The following MCC variants were observed in gnomAD, a reference collection of about 807,000 sequenced individuals.
MCC encodes the protein colorectal mutant cancer protein.
Under a neutral mutation model 116.2 loss-of-function variants are expected in MCC, and 90 were observed. That is an observed-to-expected ratio of 0.77 (90% CI 0.65 to 0.92). MCC has a LOEUF of 0.92. MCC is among the 40% of genes least tolerant of loss of function. The pLI, the probability that MCC is intolerant of heterozygous loss-of-function variation, is 0.00. For missense variants in MCC, 1,516 were observed against 1,312.2 expected (o/e 1.16, Z -2.40); for synonymous variants, 578 against 510.5 (o/e 1.13, Z -1.78).
intron 1 of MCC, among the ~76,000 whole-genome samples, chr5:113,421,954 A>G (rs1360294813): frequency 6.6e-6 from 1 of 152,206 alleles, no homozygotes; most frequent in Non-Finnish European, 1.5e-5. Context: ...AGACTATGAT[A>G]GTAAGATTGC....
intron 3 of MCC, among the ~76,000 whole-genome samples, chr5:113,257,824 T>C (rs1200081629): frequency 6.6e-6 from 1 of 152,086 alleles, no homozygotes; most frequent in Admixed American, 6.5e-5. Context: ...GAAGTGATAA[T>C]CAATACCACA....
intron 1 of MCC, among the ~76,000 whole-genome samples, chr5:113,469,548 C>T (rs1381769413): frequency 6.6e-6 from 1 of 152,126 alleles, no homozygotes; most frequent in Non-Finnish European, 1.5e-5. Context: ...GTCTGAGAGA[C>T]AGTTTGTTAT....
intron 3 of MCC, among the ~76,000 whole-genome samples, chr5:113,286,353 G>A (rs1042200988): frequency 6.6e-6 from 1 of 152,148 alleles, no homozygotes; most frequent in African/African-American, 2.4e-5. Context: ...CTAACTGCAA[G>A]GCCATCTTTT....
intron 3 of MCC, among the ~76,000 whole-genome samples, chr5:113,288,166 T>A (rs971373): frequency 0.15 from 22,672 of 152,272 alleles, 2,457 homozygotes; most frequent in Admixed American, 0.28. Flanking sequence ...AGCCGCTGCC[T>A]TGCCATGCAG....
intron 17 of MCC, among the ~76,000 whole-genome samples, chr5:113,038,883 G>T (rs566619515): frequency 3.9e-5 from 6 of 152,300 alleles, no homozygotes; most frequent in African/African-American, 1.4e-4. Flanking sequence ...GTGATTTGTC[G>T]ATTGCCTTAA....
At position 113,400,113 on chromosome 5, in the gene MCC, C is replaced by CTTTTTTTTTTT. The variant is rs747991299; in HGVS notation, c.171-14912_171-14902dup. 2.4e-3 allele frequency: 172 copies of CTTTTTTTTTTT among 71,406 alleles called. 39 individuals are homozygous for CTTTTTTTTTTT. The highest frequency in any genetic ancestry group is 8.0e-3 in the African/African-American group (110 of 13,714). 4.4% of individuals were successfully genotyped at this position (71,406 alleles called of 1,614,324 possible). On this transcript the variant is annotated intron_variant, in intron 1 of 18. Coordinates refer to ENST00000408903, the MANE Select transcript of MCC (RefSeq NM_001085377.2). ...ATTGTTTTGGCCCTCTCCTTTTTTA[C>CTTTTTTTTTTT]TTTTTTTTTTTTTTTTTTTTTTTTT...
intron 2 of MCC, among the ~76,000 whole-genome samples, chr5:113,374,644 A>G (rs966584082): frequency 1.3e-5 from 2 of 152,136 alleles, no homozygotes; most frequent in African/African-American, 2.4e-5. Context: ...TAAGCAATTT[A>G]CCAAGTTATA....
chr5:113,461,966 G>C (rs565167737), intron 1 of MCC, among the ~76,000 whole-genome samples: 1 of 152,246 alleles, frequency 6.6e-6, no homozygotes, highest in East Asian at 1.9e-4. Flanking sequence ...TATTACATAT[G>C]AATATGTCTT....
chr5:113,075,411 G>A (rs1190675289), intron 11 of MCC, among the ~76,000 whole-genome samples: 2 of 152,242 alleles, frequency 1.3e-5, no homozygotes, highest in Non-Finnish European at 2.9e-5. Context: ...CCCAAGGGCT[G>A]AGGAGTGTGG....
intron 3 of MCC, among the ~76,000 whole-genome samples, chr5:113,241,135 G>T (rs1306499955): frequency 6.6e-6 from 1 of 152,174 alleles, no homozygotes; most frequent in East Asian, 1.9e-4. Context: ...ATGACATATT[G>T]CTCTAAACTG....
At chr5:113,452,070 A>T (rs968006661) in intron 1 of MCC, among the ~76,000 whole-genome samples, 1 of 152,160 alleles carries the variant, frequency 6.6e-6, no homozygotes, top group East Asian at 1.9e-4. Context: ...CTCTTTCCTC[A>T]TGATTTGTCC....
intron 1 of MCC, among the ~76,000 whole-genome samples, chr5:113,423,181 C>A (rs938028590): frequency 6.6e-6 from 1 of 152,142 alleles, no homozygotes; most frequent in Non-Finnish European, 1.5e-5. Context: ...GTTTTTCATA[C>A]CTTCGTGCTT....
intron 1 of MCC, among the ~76,000 whole-genome samples, chr5:113,400,815 T>C (rs975496991): frequency 6.6e-6 from 1 of 152,232 alleles, no homozygotes; most frequent in Non-Finnish European, 1.5e-5. Flanking sequence ...AGCACCTTTT[T>C]GTTAATCTCA....
At chr5:113,051,871 A>G (rs1212600534) in intron 15 of MCC, among the ~76,000 whole-genome samples, 2 of 152,188 alleles carry the variant, frequency 1.3e-5, no homozygotes, top group East Asian at 1.9e-4. Context: ...TGAAAATCCA[A>G]CGTAACCTGC....
At chr5:113,234,106 A>C (rs1339931308) in intron 3 of MCC, among the ~76,000 whole-genome samples, 1 of 152,202 alleles carries the variant, frequency 6.6e-6, no homozygotes, top group Non-Finnish European at 1.5e-5. Context: ...ATATTTGTTG[A>C]CTAACTAAAT....
At chr5:113,065,064 A>G (rs1753498753) in intron 13 of MCC, among the ~76,000 whole-genome samples, 1 of 152,164 alleles carries the variant, frequency 6.6e-6, no homozygotes, top group Non-Finnish European at 1.5e-5. Context: ...GAATAGGTGG[A>G]GCCAGAGAAC....
At chr5:113,321,707 T>C (rs6594700) in intron 3 of MCC, among the ~76,000 whole-genome samples, 91,952 of 152,182 alleles carry the variant, frequency 0.6, 29,993 homozygotes, top group African/African-American at 0.85. Flanking sequence ...ATGCAAAGCC[T>C]GGGTTAAGCA....
chr5:113,245,709 A>T (rs1484419574), intron 3 of MCC, among the ~76,000 whole-genome samples: 3 of 152,174 alleles, frequency 2.0e-5, no homozygotes, highest in Non-Finnish European at 4.4e-5. Context: ...TAAATGTCTG[A>T]CAAAGCCTCA....
chr5:113,388,782 T>G (rs1038021572), intron 1 of MCC, among the ~76,000 whole-genome samples: 3 of 152,206 alleles, frequency 2.0e-5, no homozygotes, highest in Non-Finnish European at 4.4e-5. Flanking sequence ...CACGCAAGAA[T>G]AGACTAACAT....
Sources: allele counts gnomAD v4.1 joint callset (sites outside exome capture counted in the v4.1 genomes callset), GRCh38; gene constraint gnomAD v4.1.1; transcripts MANE v1.5; gene names NCBI Gene and HGNC (gene_info 2026-07-23, HGNC 2026-07-21).